CELF2: variants seen among roughly 807,000 people sequenced by gnomAD.
CELF2 encodes the protein CUGBP Elav-like family member 2, also known as CUG triplet repeat RNA-binding protein 2.
A neutral mutation model predicts 62.6 loss-of-function variants in CELF2; 8 were observed. The ratio of observed to expected loss-of-function variants is 0.13; its 90% CI spans 0.07 to 0.23. CELF2 has a LOEUF of 0.23. Among genes scored for constraint, CELF2 ranks in the 10% least tolerant of loss-of-function variants. The pLI, the probability that CELF2 is intolerant of heterozygous loss-of-function variation, is 1.00. For missense variants in CELF2, 333 were observed against 671.0 expected (o/e 0.50, Z 5.56); for synonymous variants, 258 against 250.0 (o/e 1.03, Z -0.30).
At chr10:11,150,652 A>T (rs539491333) in intron 1 of CELF2, among the ~76,000 whole-genome samples, 1 of 152,382 alleles carries the variant, frequency 6.6e-6, no homozygotes, top group East Asian at 1.9e-4. Flanking sequence ...AACCAGCAGG[A>T]AGAAAACAAA....
intron 9 of CELF2, among the ~76,000 whole-genome samples, 193 bp downstream of exon 9, chr10:11,288,745 A>G (rs906235207): frequency 6.6e-6 from 1 of 152,172 alleles, no homozygotes; most frequent in African/African-American, 2.4e-5. Flanking sequence ...TTTATTTTCC[A>G]TGGATAATAT....
chr10:10,546,431 A>G, the CELF2 span, among the ~76,000 whole-genome samples: 1 of 152,178 alleles, frequency 6.6e-6, no homozygotes, highest in African/African-American at 2.4e-5. Context: ...TTTCCGGGAG[A>G]CAGTTTTCAT....
chr10:11,289,171 G>A (rs2092054090), intron 9 of CELF2, among the ~76,000 whole-genome samples: 1 of 151,976 alleles, frequency 6.6e-6, no homozygotes, highest in Admixed American at 6.6e-5. Context: ...GTGATTTGAG[G>A]TTTTGTTTTG....
rs932917 is a variant in CELF2 at position 11,039,917 on chromosome 10, C to A, written c.74+21754C>A. On this transcript the variant is annotated intron_variant, in intron 1 of 12. Coordinates refer to ENST00000633077, the MANE Select transcript of CELF2 (RefSeq NM_001326342.2). The surrounding 1 kb of genome is among the most constrained non-coding windows in gnomAD (Gnocchi z 4.1). Reference sequence around the variant, plus strand: ...GATCTTCCTGTTTGTTTTTGTCAAGCTAATATTATTTACAAAAACCATCCC... The same window carrying A: ...GATCTTCCTGTTTGTTTTTGTCAAGATAATATTATTTACAAAAACCATCCC... Among the ~76,000 whole-genome samples, 51,636 of 151,912 alleles carry A rather than the reference C, an allele frequency of 0.34. 11,024 individuals carry two copies. Among genetic ancestry groups the A allele is most frequent in the East Asian group, 0.66 (3,399 of 5,164 alleles).
At chr10:10,846,240 C>A in intron 1 of CELF2, 2 of 350,850 alleles carry the variant, frequency 5.7e-6, no homozygotes, top group Non-Finnish European at 8.0e-6. Context: ...TCCTCATATG[C>A]TAGGTTTCAG....
the CELF2 span, among the ~76,000 whole-genome samples, chr10:10,730,674 C>T: frequency 5.3e-5 from 8 of 152,300 alleles, no homozygotes; most frequent in Admixed American, 2.0e-4. Flanking sequence ...ACTAATTCTG[C>T]CTTCACGCCT....
the CELF2 span, among the ~76,000 whole-genome samples, chr10:10,621,961 A>G: frequency 6.6e-6 from 1 of 152,224 alleles, no homozygotes; most frequent in Admixed American, 6.5e-5. Context: ...CTAAATTCTA[A>G]AAGGAGTTTC....
At chr10:11,289,990 T>C (rs2092253429) in intron 9 of CELF2, among the ~76,000 whole-genome samples, 1 of 152,200 alleles carries the variant, frequency 6.6e-6, no homozygotes, top group African/African-American at 2.4e-5. Flanking sequence ...GCACTTTGAT[T>C]ACCCCAAAAT....
chr10:10,917,666 C>G (rs909339677), intron 1 of CELF2, among the ~76,000 whole-genome samples: 1 of 152,142 alleles, frequency 6.6e-6, no homozygotes, highest in Non-Finnish European at 1.5e-5. Flanking sequence ...CAGTTGAAGA[C>G]AGCTTTGTCA....
chr10:11,051,958 G>C (rs999389015), intron 1 of CELF2, among the ~76,000 whole-genome samples: 2 of 150,304 alleles, frequency 1.3e-5, no homozygotes, highest in Non-Finnish European at 3.0e-5. Context: ...GAGTGCGGTG[G>C]AGCAATGTTG....
At chr10:11,180,091 TAAAG>T in intron 2 of CELF2, among the ~76,000 whole-genome samples, 1 of 152,264 alleles carries the variant, frequency 6.6e-6, no homozygotes, top group East Asian at 1.9e-4. Context: ...GAAAACATAA[TAAAG>T]AGAGTGAAAG....
chr10:11,183,138 CTGCCCCA>C (rs2073936967), intron 2 of CELF2, among the ~76,000 whole-genome samples: 3 of 152,220 alleles, frequency 2.0e-5, no homozygotes, highest in Admixed American at 2.0e-4. Flanking sequence ...TCTGTCCTGG[CTGCCCCA>C]TGCCTCAATT....
intron 1 of CELF2, among the ~76,000 whole-genome samples, chr10:11,007,173 C>G (rs969874659): frequency 6.6e-6 from 1 of 152,110 alleles, no homozygotes; most frequent in African/African-American, 2.4e-5. Flanking sequence ...TTAAGTACCT[C>G]ATTTTAAAAA....
At chr10:11,301,565 G>T (rs980539530) in intron 9 of CELF2, among the ~76,000 whole-genome samples, 1 of 141,286 alleles carries the variant, frequency 7.1e-6, no homozygotes, top group Non-Finnish European at 1.5e-5. Context: ...CCGTTCCAGT[G>T]AGGGGAGGTG....
chr10:11,278,509 TGAAAG>T (rs902692265), intron 8 of CELF2, among the ~76,000 whole-genome samples: 1 of 152,194 alleles, frequency 6.6e-6, no homozygotes, highest in Non-Finnish European at 1.5e-5. Flanking sequence ...GGATTTTTCT[TGAAAG>T]AGAAAGGGAG....
chr10:11,140,533 A>G (rs961695423), intron 1 of CELF2, among the ~76,000 whole-genome samples: 1 of 152,114 alleles, frequency 6.6e-6, no homozygotes, highest in African/African-American at 2.4e-5. Context: ...GTTTGTATTT[A>G]TGTAGACAAG....
intron 11 of CELF2, among the ~76,000 whole-genome samples, chr10:11,325,175 C>G (rs1381638283): frequency 6.6e-6 from 1 of 152,168 alleles, no homozygotes; most frequent in Non-Finnish European, 1.5e-5. Context: ...CGGTCTTTGC[C>G]CAGCTTCTAC....
rs749157794 is a variant in CELF2 at position 11,165,468 on chromosome 10, C to G, written c.75-18C>G. Reference sequence around the variant, plus strand: ...ATCGTGCCGCCCTAACTCTGGCTCCCGGTTCCGTTTTTGACAGTAACGGCA... The same window carrying G: ...ATCGTGCCGCCCTAACTCTGGCTCCGGGTTCCGTTTTTGACAGTAACGGCA... On this transcript the variant is annotated intron_variant, in intron 1 of 12. Coordinates refer to ENST00000633077, the MANE Select transcript of CELF2 (RefSeq NM_001326342.2). The surrounding 1 kb of genome is among the most constrained non-coding windows in gnomAD (Gnocchi z 7.4). The G allele has an allele frequency of 1.9e-6, 3 of 1,608,720 alleles. No individual in the cohort carries two copies. Among genetic ancestry groups the G allele is most frequent in the South Asian group, 1.1e-5 (1 of 90,560 alleles).
chr10:10,559,831 T>G, the CELF2 span, among the ~76,000 whole-genome samples: 1 of 152,318 alleles, frequency 6.6e-6, no homozygotes, highest in Non-Finnish European at 1.5e-5. Flanking sequence ...CCCATGTGAC[T>G]ATGGCCTCCA....
Sources: allele counts gnomAD v4.1 joint callset (sites outside exome capture counted in the v4.1 genomes callset), GRCh38; gene constraint gnomAD v4.1.1; non-coding constraint Gnocchi (gnomAD v3.1); transcripts MANE v1.5; gene names NCBI Gene and HGNC (gene_info 2026-07-23, HGNC 2026-07-21).